Variants in SLC14A2 observed in about 807,000 individuals in gnomAD.
SLC14A2 encodes the protein solute carrier family 14 member 2.
SLC14A2 carries 91 observed loss-of-function variants against 104.6 expected under a neutral mutation model. The ratio of observed to expected loss-of-function variants is 0.87; its 90% CI spans 0.73 to 1.04. The LOEUF is 1.04. Ranked by LOEUF, SLC14A2 falls within the 50% of genes least tolerant of loss-of-function variation. The probability of loss-of-function intolerance (pLI) is 0.00; values close to 1 mark genes in which losing one functional copy is unlikely to be tolerated. For synonymous variants in SLC14A2, 476 were observed against 466.4 expected (o/e 1.02, Z -0.27); for missense variants, 1,189 against 1,156.0 (o/e 1.03, Z -0.41).
chr18:45,439,256 G>A (rs142530481), intron 1 of SLC14A2, among the ~76,000 whole-genome samples: 2,309 of 152,194 alleles, frequency 0.015, 22 homozygotes, highest in Non-Finnish European at 0.021. Context: ...TCCAGCCTGG[G>A]CAACAGAGCA....
At chr18:45,672,128 C>T (rs2046150348) in intron 16 of SLC14A2, among the ~76,000 whole-genome samples, 1 of 152,190 alleles carries the variant, frequency 6.6e-6, no homozygotes, top group Non-Finnish European at 1.5e-5. Flanking sequence ...TCGAGTTCCT[C>T]CTCCAGACCT....
chr18:45,414,877 T>C (rs1176623077), intron 1 of SLC14A2, among the ~76,000 whole-genome samples: 3 of 149,458 alleles, frequency 2.0e-5, no homozygotes, highest in African/African-American at 7.4e-5. Flanking sequence ...TTCCCTTCTC[T>C]CCTTTCAGAG....
intron 2 of SLC14A2, among the ~76,000 whole-genome samples, chr18:45,560,044 G>A (rs2044181604): frequency 6.6e-6 from 1 of 152,154 alleles, no homozygotes; most frequent in Non-Finnish European, 1.5e-5. Flanking sequence ...CTGGACCTCT[G>A]GACCCACCTA....
chr18:45,481,414 A>G (rs1395345088), intron 1 of SLC14A2, among the ~76,000 whole-genome samples: 1 of 152,174 alleles, frequency 6.6e-6, no homozygotes, highest in Non-Finnish European at 1.5e-5. Context: ...AATTACTGCA[A>G]TTAATATGGA....
At chr18:45,480,008 T>C (rs2087462114) in intron 1 of SLC14A2, among the ~76,000 whole-genome samples, 1 of 152,102 alleles carries the variant, frequency 6.6e-6, no homozygotes, top group African/African-American at 2.4e-5. Context: ...ATTTGCATGG[T>C]TCAGTAAGTA....
intron 2 of SLC14A2, among the ~76,000 whole-genome samples, chr18:45,583,787 C>A (rs1325364347): frequency 6.6e-6 from 1 of 151,950 alleles, no homozygotes; most frequent in Non-Finnish European, 1.5e-5. Flanking sequence ...ATAAAAACAC[C>A]CACTGTGGTT....
rs923549092 is a variant in SLC14A2 at position 45,572,878 on chromosome 18, T to TA, written c.-34-51744dup. Among the ~76,000 whole-genome samples, 128 of 151,860 alleles carry TA rather than the reference T, an allele frequency of 8.4e-4. 1 individual carries two copies. Among genetic ancestry groups the TA allele is most frequent in the African/African-American group, 2.8e-3 (117 of 41,462 alleles). ...TGGGCTCCCTTTATTCTGAGAGGTT[T>TA]AAAAAAAAATTCTATAAGGATGAGT... On this transcript the variant is annotated intron_variant, in intron 2 of 20. Coordinates refer to the SLC14A2 transcript ENST00000586448.
At chr18:45,270,239 C>T (rs1413561544) in intron 1 of SLC14A2, among the ~76,000 whole-genome samples, 1 of 152,132 alleles carries the variant, frequency 6.6e-6, no homozygotes, top group Non-Finnish European at 1.5e-5. Context: ...TCCTTTCCTT[C>T]TCATCACCTT....
At chr18:45,410,223 C>T (rs771755327) in intron 1 of SLC14A2, among the ~76,000 whole-genome samples, 39 of 152,206 alleles carry the variant, frequency 2.6e-4, no homozygotes, top group Middle Eastern at 3.4e-3. Context: ...CTCACTTGCC[C>T]GCCGCTCATC....
At chr18:45,298,371 A>C (rs2084936678) in intron 1 of SLC14A2, among the ~76,000 whole-genome samples, 1 of 152,202 alleles carries the variant, frequency 6.6e-6, no homozygotes, top group Non-Finnish European at 1.5e-5. Flanking sequence ...TTCCCCTTTG[A>C]TGCGGATATA....
rs747112198 is a variant in SLC14A2 at position 45,640,802 on chromosome 18, T to C, written c.992-407T>C. Among the ~76,000 whole-genome samples the C allele has an allele frequency of 2.0e-5, 3 of 152,240 alleles. No individual in the cohort carries two copies. In the East Asian group the frequency reaches 5.8e-4, roughly 29 times the overall value. ...CTGCTGTATCATTCCTCTATCTACA[T>C]ATATCCATAAGTGTATAGGGATATT... On this transcript the variant is annotated intron_variant, in intron 7 of 19. Coordinates refer to ENST00000255226, the MANE Select transcript of SLC14A2 (RefSeq NM_007163.4).
At chr18:45,417,662 A>G (rs548930925) in intron 1 of SLC14A2, among the ~76,000 whole-genome samples, 96 of 152,338 alleles carry the variant, frequency 6.3e-4, no homozygotes, top group Admixed American at 9.8e-4. Context: ...TATGGGGACT[A>G]AAATTCAAGA....
intron 1 of SLC14A2, among the ~76,000 whole-genome samples, chr18:45,220,536 G>A (rs993988826): frequency 2.0e-5 from 3 of 148,572 alleles, no homozygotes; most frequent in Admixed American, 6.7e-5. Context: ...GTCCCTAAAT[G>A]AGTCTACAGT....
At chr18:45,176,199 A>G in the SLC14A2 span, among the ~76,000 whole-genome samples, 1 of 152,210 alleles carries the variant, frequency 6.6e-6, no homozygotes, top group African/African-American at 2.4e-5. Flanking sequence ...ACCAGGCATC[A>G]GCAGGAATAC....
In SLC14A2 at chr18:45,667,900, C is replaced by A. The variant is rs2046055845; in HGVS notation, c.1785C>A (p.Asn595Lys). ...LRGTSQVMFV[N>K]NPLSGILIIL... ...GCACATCTCAAGTGATGTTTGTGAA[C>A]AACCCCCTCAGCGGCATCCTCATCA... Residue 595 changes from asparagine (N) to lysine (K), a missense_variant, in exon 14 of 20, where the codon AAC becomes AAA. By Grantham distance (94) the Asn-to-Lys change is moderately conservative. Coordinates refer to ENST00000255226, the MANE Select transcript of SLC14A2 (RefSeq NM_007163.4). 6 of 1,614,012 alleles carry A rather than the reference C, an allele frequency of 3.7e-6. No homozygotes were observed. Among genetic ancestry groups the A allele is most frequent in the Non-Finnish European group, 5.1e-6 (6 of 1,179,994 alleles).
At chr18:45,576,840 G>A (rs2044425140) in intron 2 of SLC14A2, among the ~76,000 whole-genome samples, 1 of 152,206 alleles carries the variant, frequency 6.6e-6, no homozygotes, top group South Asian at 2.1e-4. Flanking sequence ...CACGCCGAGG[G>A]GAGCCACATG....
chr18:45,370,907 A>G (rs2085716038), intron 1 of SLC14A2, among the ~76,000 whole-genome samples: 1 of 152,172 alleles, frequency 6.6e-6, no homozygotes, highest in African/African-American at 2.4e-5. Context: ...GTCTCTTTGC[A>G]TTGTCAGCCC....
intron 1 of SLC14A2, among the ~76,000 whole-genome samples, chr18:45,270,802 A>G (rs560285528): frequency 5.9e-5 from 9 of 152,282 alleles, no homozygotes; most frequent in Admixed American, 2.0e-4. Context: ...TGTAGCTAAT[A>G]ATGGAATGCA....
chr18:45,625,411 T>C (rs1387231357), intron 2 of SLC14A2, among the ~76,000 whole-genome samples: 2 of 152,204 alleles, frequency 1.3e-5, no homozygotes, highest in Admixed American at 6.5e-5. Context: ...ACAAACATTA[T>C]TCTGAAAAGA....
Sources: allele counts gnomAD v4.1 joint callset (sites outside exome capture counted in the v4.1 genomes callset), GRCh38; gene constraint gnomAD v4.1.1; transcripts MANE v1.5; gene names NCBI Gene and HGNC (gene_info 2026-07-23, HGNC 2026-07-21).